Variants in SLC13A4 observed in about 807,000 individuals in gnomAD.
SLC13A4 encodes Na(+)/sulfate cotransporter SUT-1.
A neutral mutation model predicts 72.7 loss-of-function variants in SLC13A4; 28 were observed. The ratio of observed to expected loss-of-function variants is 0.39; its 90% CI spans 0.29 to 0.53. The LOEUF is 0.53. Among genes scored for constraint, SLC13A4 ranks in the 20% least tolerant of loss-of-function variants. The pLI, the probability that SLC13A4 is intolerant of heterozygous loss-of-function variation, is 0.78. For synonymous variants in SLC13A4, 312 were observed against 325.5 expected, an observed-to-expected ratio of 0.96 and a Z score of 0.45; for missense variants, 653 against 788.0, an observed-to-expected ratio of 0.83 and a Z score of 2.05.
chr7:135,685,031 C>T (rs761528486), intron 14 of SLC13A4, among the ~76,000 whole-genome samples: 4 of 152,156 alleles, frequency 2.6e-5, no homozygotes, highest in Admixed American at 6.5e-5. Context: ...TGACCTTGCT[C>T]CCAATCCTCA....
At chr7:135,710,146 G>T (rs1796266718) in intron 2 of SLC13A4, among the ~76,000 whole-genome samples, 1 of 152,088 alleles carries the variant, frequency 6.6e-6, no homozygotes, top group Non-Finnish European at 1.5e-5. Context: ...ATTTTTAACT[G>T]CAGCAAAAAT....
rs558677171 is a variant in SLC13A4, at chr7:135,696,148, A to G, written c.900-661T>C. On this transcript the variant is annotated intron_variant, in intron 8 of 15. Transcript: ENST00000682651. ...TTGCCTAGACGAGGCTCAGGCCTAAATGACCTATGCTGTGTTTTCCTTGGG... is the reference window on the plus strand; with the variant it reads ...TTGCCTAGACGAGGCTCAGGCCTAAGTGACCTATGCTGTGTTTTCCTTGGG... 3.3e-5 allele frequency among the ~76,000 whole-genome samples: 5 copies of G among 152,164 alleles called. No individual in the cohort carries two copies. The South Asian group carries it at 1.0e-3, about 32-fold the overall frequency.
In SLC13A4 at chr7:135,691,624, G is replaced by A. The variant is rs1252065787; in HGVS notation, c.1245C>T (p.Ala415=). ...GGAAGCCAAGGAAGACAGAGACTGT[G>A]GCATCAGTACGGTAGCCTTTCCTAG... ...FFEKKGYRTD[A]TVSVFLGFLL... The change falls in exon 12 of 16, where the codon GCC becomes GCT. Residue 415 remains alanine, a synonymous_variant. Transcript: ENST00000682651. 3 of 1,613,440 alleles carry A rather than the reference G, an allele frequency of 1.9e-6. No individual in the cohort carries two copies. Among genetic ancestry groups the A allele is most frequent in the African/African-American group, 1.3e-5 (1 of 74,912 alleles).
chr7:135,711,292 C>T (rs1796295866), intron 2 of SLC13A4, among the ~76,000 whole-genome samples: 1 of 152,116 alleles, frequency 6.6e-6, no homozygotes, highest in Non-Finnish European at 1.5e-5. Flanking sequence ...CAGGGACTGA[C>T]TGACAAGAGC....
chr7:135,699,395 T>C lies in SLC13A4; in HGVS notation c.868A>G (p.Thr290Ala), dbSNP rs201310555. The part of the protein sequence containing the change: ...GGLTTIIGTS[T>A]SLIFLEHFNN... ...AAGTGTTCCAGGAAGATGAGGCTGG[T>C]GGAGGTGCCGATGATGGTGGTCAGG... The change falls in exon 8 of 16, where the codon ACC (threonine) becomes GCC (alanine). Residue 290 changes from threonine to alanine, a missense_variant. By Grantham distance (58) the Thr-to-Ala change is moderately conservative. Coordinates refer to ENST00000682651, the MANE Select transcript of SLC13A4 (RefSeq NM_001318192.2). 6.2e-7 allele frequency: 1 copy of C among 1,610,812 alleles called. No individual in the cohort carries two copies.
At chr7:135,690,701 C>T (rs1013532424) in intron 13 of SLC13A4, among the ~76,000 whole-genome samples, 11 of 149,170 alleles carry the variant, frequency 7.4e-5, no homozygotes, top group East Asian at 4.1e-4. Flanking sequence ...CCCATCTGTT[C>T]CTCTGTTCCT....
intron 2 of SLC13A4, among the ~76,000 whole-genome samples, chr7:135,715,298 C>T (rs533250935): frequency 2.1e-5 from 3 of 140,618 alleles, no homozygotes; most frequent in Admixed American, 7.1e-5. Context: ...TGTGAGTGTA[C>T]GTATATCTAA....
chr7:135,708,273 A>C, intron 2 of SLC13A4, 23 bp from the exon 3 acceptor site: 1 of 1,613,856 alleles, frequency 6.2e-7, no homozygotes, highest in Non-Finnish European at 8.5e-7. Flanking sequence ...CAGGCATGTC[A>C]GTCACCCTCC....
intron 5 of SLC13A4, 37 bp downstream of exon 5, chr7:135,705,558 CT>C: frequency 6.2e-7 from 1 of 1,604,974 alleles, no homozygotes. Flanking sequence ...CCTATGGACT[CT>C]GAGAGGCGCT....
At chr7:135,724,434 T>C (rs1584744486) in intron 1 of SLC13A4, among the ~76,000 whole-genome samples, 1 of 144,794 alleles carries the variant, frequency 6.9e-6, no homozygotes, top group Non-Finnish European at 1.5e-5. Context: ...GAGGCAGAGG[T>C]TGCAGTGAGC....
chr7:135,687,074 A>G (rs1375020525), intron 13 of SLC13A4, among the ~76,000 whole-genome samples: 5 of 152,178 alleles, frequency 3.3e-5, no homozygotes, highest in African/African-American at 9.7e-5. Flanking sequence ...TAAAAAATAA[A>G]TGAATAAATA....
At chr7:135,695,696 A>G (rs1354266193) in intron 8 of SLC13A4, among the ~76,000 whole-genome samples, 1 of 152,234 alleles carries the variant, frequency 6.6e-6, no homozygotes, top group Non-Finnish European at 1.5e-5. Context: ...TAGCTAAAAA[A>G]AGGAATCAAA....
intron 13 of SLC13A4, among the ~76,000 whole-genome samples, chr7:135,690,108 G>A (rs1458590834): frequency 3.3e-5 from 5 of 149,786 alleles, no homozygotes; most frequent in Non-Finnish European, 7.4e-5. Context: ...TTGAACCTGG[G>A]AGGCAGGGGT....
At chr7:135,695,862 C>T (rs1044784211) in intron 8 of SLC13A4, among the ~76,000 whole-genome samples, 1 of 152,140 alleles carries the variant, frequency 6.6e-6, no homozygotes, top group South Asian at 2.1e-4. Flanking sequence ...CTAAAATCAC[C>T]AAAGGAATGT....
chr7:135,718,001 G>A (rs1016460242), intron 2 of SLC13A4, among the ~76,000 whole-genome samples: 1 of 151,900 alleles, frequency 6.6e-6, no homozygotes, highest in African/African-American at 2.4e-5. Context: ...GCTCTCCTGG[G>A]TCTCCAGCTT....
chr7:135,727,042 C>G (rs745900455), intron 1 of SLC13A4, among the ~76,000 whole-genome samples: 3 of 152,166 alleles, frequency 2.0e-5, no homozygotes, highest in Non-Finnish European at 4.4e-5. Context: ...GGTGAACTCC[C>G]GACAAACACA....
Position 135,716,136 on chromosome 7 carries a change from AGC to A in SLC13A4, c.228+5257_228+5258del, listed in dbSNP as rs1584738819. Among the ~76,000 whole-genome samples, 3 of 152,214 alleles carry A rather than the reference AGC, an allele frequency of 2.0e-5. No homozygotes were observed. The East Asian group carries it at 5.8e-4, about 29-fold the overall frequency. Reference sequence around the variant, plus strand: ...GTGACGCTTTGGGCCTGGAGTGTGGAGCCATGGAAGCCTGGACTTATGGAAGC... The same window carrying A: ...GTGACGCTTTGGGCCTGGAGTGTGGACATGGAAGCCTGGACTTATGGAAGC... On this transcript the variant is annotated intron_variant, in intron 2 of 15. Coordinates refer to ENST00000682651, the MANE Select transcript of SLC13A4 (RefSeq NM_001318192.2).
At chr7:135,724,911 A>G (rs1796622116) in intron 1 of SLC13A4, among the ~76,000 whole-genome samples, 1 of 152,232 alleles carries the variant, frequency 6.6e-6, no homozygotes, top group Admixed American at 6.5e-5. Context: ...GTTTGCTTAC[A>G]AGGAGTCCGA....
At chr7:135,694,106 G>A (rs3800763) in intron 10 of SLC13A4, 31 bp downstream of exon 10, 391,157 of 1,305,316 alleles carry the variant, frequency 0.3, 61,083 homozygotes, top group Middle Eastern at 0.44. Context: ...TTCTGCTGGA[G>A]AAGGAGGGAA....
Sources: allele counts gnomAD v4.1 joint callset (sites outside exome capture counted in the v4.1 genomes callset), GRCh38; gene constraint gnomAD v4.1.1; transcripts MANE v1.5; gene names NCBI Gene and HGNC (gene_info 2026-07-23, HGNC 2026-07-21).